The following SLC19A1 variants were observed in gnomAD, a reference collection of about 807,000 sequenced individuals.
SLC19A1 encodes the protein reduced folate transporter.
A neutral mutation model predicts 35.3 loss-of-function variants in SLC19A1; 37 were observed. The observed-to-expected ratio is 1.05, with a 90% CI of 0.81 to 1.38. The LOEUF is 1.38. SLC19A1 is among the 40% of genes most tolerant of loss of function. SLC19A1 has a pLI of 0.00. For synonymous variants in SLC19A1, 460 were observed against 398.5 expected, an observed-to-expected ratio of 1.15 and a Z score of -1.84; for missense variants, 831 against 826.9, an observed-to-expected ratio of 1.00 and a Z score of -0.06.
upstream of SLC19A1, chr21:45,543,789 C>G (rs1416052466): frequency 1.3e-5 from 2 of 152,402 alleles, no homozygotes; most frequent in African/African-American, 4.8e-5. Context: ...GGAGGGACCC[C>G]CTGCTTTGTG....
chr21:45,551,759 G>A (rs766251158), intron 1 of SLC19A1, among the ~76,000 whole-genome samples: 7 of 152,110 alleles, frequency 4.6e-5, no homozygotes, highest in Non-Finnish European at 1.0e-4. Flanking sequence ...TATGCACATC[G>A]TGTTTTATAT....
intron 1 of SLC19A1, among the ~76,000 whole-genome samples, chr21:45,550,202 C>T (rs1049891417): frequency 2.6e-5 from 4 of 152,140 alleles, no homozygotes; most frequent in African/African-American, 4.8e-5. Flanking sequence ...CCCCATGCAC[C>T]GCCCTGGTCA....
Position 45,514,956 on chromosome 21 carries a change from A to G in SLC19A1, c.*702T>C, listed in dbSNP as rs1189114908. 6.8e-7 allele frequency: 1 copy of G among 1,469,322 alleles called. No individual in the cohort carries two copies. Among genetic ancestry groups the G allele is most frequent in the East Asian group, 2.7e-5 (1 of 37,140 alleles). 91.0% of individuals were successfully genotyped at this position (1,469,322 alleles called of 1,614,324 possible). Reference sequence around the variant, plus strand: ...CCCTCCGGGCTGGCACAAGTGTGGGAGCAGCTGAGGACCCGCAGGTCAGGA... The same window carrying G: ...CCCTCCGGGCTGGCACAAGTGTGGGGGCAGCTGAGGACCCGCAGGTCAGGA... On this transcript the variant is annotated 3_prime_UTR_variant, in exon 6 of 6. Transcript: ENST00000311124.
intron 5 of SLC19A1, among the ~76,000 whole-genome samples, chr21:45,518,546 C>G (rs2038079083): frequency 6.6e-6 from 1 of 152,098 alleles, no homozygotes; most frequent in Non-Finnish European, 1.5e-5. Flanking sequence ...CAAAATCACA[C>G]CAACACATAC....
chr21:45,552,072 C>G (rs2078471388), intron 1 of SLC19A1, among the ~76,000 whole-genome samples: 2 of 152,208 alleles, frequency 1.3e-5, no homozygotes, highest in South Asian at 2.1e-4. Context: ...CAAAAGGTGT[C>G]TGCCCGAGTG....
In SLC19A1 at chr21:45,515,259, T is replaced by A. The variant is rs1486061461; in HGVS notation, c.*399A>T. 6.4e-5 allele frequency: 96 copies of A among 1,493,968 alleles called. No individual in the cohort carries two copies. Among genetic ancestry groups the A allele is most frequent in the Non-Finnish European group, 8.4e-5 (95 of 1,135,334 alleles). 92.5% of individuals were successfully genotyped at this position (1,493,968 alleles called of 1,614,324 possible). ...CACCTGAGGGTCCCGGCTCCCACCC[T>A]GCCCTAGAGGGCTCACAACTCCTGT... On this transcript the variant is annotated 3_prime_UTR_variant, in exon 6 of 6. Transcript: ENST00000311124.
intron 4 of SLC19A1, among the ~76,000 whole-genome samples, 163 bp from the exon 5 acceptor site, chr21:45,526,121 T>A (rs2077608555): frequency 6.6e-6 from 1 of 151,988 alleles, no homozygotes; most frequent in African/African-American, 2.4e-5. Flanking sequence ...CTCCCACACA[T>A]GCCCGCCCCT....
At chr21:45,507,674 C>T (rs2037303744), downstream of SLC19A1, 1 of 1,359,702 alleles carries the variant, frequency 7.4e-7, no homozygotes, top group Non-Finnish European at 1.0e-6. Context: ...TGAGGAACAA[C>T]ACGTGGTCCT....
In SLC19A1 at chr21:45,531,289, G is replaced by C. The variant is rs1185136088; in HGVS notation, c.949+100C>G. On this transcript the variant is annotated intron_variant, in intron 3 of 5. Coordinates refer to ENST00000311124, the MANE Select transcript of SLC19A1 (RefSeq NM_194255.4). ...TGGGGGAAGGTATCCATGGGGCAGG[G>C]GGCGGGAGAGGGAGCCTCCGGGGGA... is the stretch of plus-strand genomic sequence containing the variant. 5.4e-6 allele frequency: 8 copies of C among 1,469,296 alleles called. No homozygotes were observed. The African/African-American group carries it at 7.1e-5, about 13-fold the overall frequency. 91.0% of individuals were successfully genotyped at this position (1,469,296 alleles called of 1,614,324 possible).
chr21:45,536,945 C>G (rs1277346326), intron 2 of SLC19A1, among the ~76,000 whole-genome samples: 1 of 152,170 alleles, frequency 6.6e-6, no homozygotes, highest in Non-Finnish European at 1.5e-5. Context: ...CGGATACGGC[C>G]GCTCCCGCCT....
chr21:45,519,543 T>C (rs1424496164), intron 5 of SLC19A1, among the ~76,000 whole-genome samples: 6 of 97,662 alleles, frequency 6.1e-5, no homozygotes, highest in African/African-American at 2.3e-4. Context: ...GTGGCTATAT[T>C]AACATCAGGT....
intron 1 of SLC19A1, among the ~76,000 whole-genome samples, chr21:45,555,743 G>A (rs939705496): frequency 6.6e-6 from 1 of 152,214 alleles, no homozygotes; most frequent in East Asian, 1.9e-4. Flanking sequence ...AACGGCGGGC[G>A]CTGGCAGAAA....
chr21:45,504,639 A>G (rs2037076556), intron 3 of SLC19A1: 1 of 1,272,748 alleles, frequency 7.9e-7, no homozygotes, highest in African/African-American at 1.5e-5. Flanking sequence ...CCGGCCTTCG[A>G]CACCCGCGAA....
chr21:45,506,158 T>C, intron 3 of SLC19A1: 1 of 792,004 alleles, frequency 1.3e-6, no homozygotes, highest in Non-Finnish European at 2.0e-6. Context: ...TAAAGAAAAG[T>C]GAGCTCAAGC....
At chr21:45,526,814 C>T (rs1400148822) in intron 4 of SLC19A1, among the ~76,000 whole-genome samples, 1 of 152,244 alleles carries the variant, frequency 6.6e-6, no homozygotes, top group Non-Finnish European at 1.5e-5. Flanking sequence ...TCAGGTGATC[C>T]ACCCACCTCA....
chr21:45,508,572 C>T (rs907858283), downstream of SLC19A1, among the ~76,000 whole-genome samples: 29 of 151,718 alleles, frequency 1.9e-4, no homozygotes, highest in Admixed American at 1.6e-3. Context: ...CTAAGTGTTG[C>T]GTCCAGCTGC....
At chr21:45,531,020 G>A in intron 3 of SLC19A1, 49 bp from the exon 4 acceptor site, 1 of 1,299,610 alleles carries the variant, frequency 7.7e-7, no homozygotes, top group South Asian at 1.7e-5. Context: ...GGGCCACGGG[G>A]CAGGGGGAGG....
intron 1 of SLC19A1, among the ~76,000 whole-genome samples, chr21:45,560,179 G>C (rs1450249708): frequency 3.3e-5 from 5 of 152,114 alleles, no homozygotes; most frequent in Non-Finnish European, 5.9e-5. Flanking sequence ...TGAGAGGTGG[G>C]GACGCCAGGG....
intron 1 of SLC19A1, among the ~76,000 whole-genome samples, chr21:45,539,865 C>G (rs1436645733): frequency 2.0e-5 from 3 of 152,160 alleles, no homozygotes; most frequent in Non-Finnish European, 4.4e-5. Context: ...TTAGGGGAAC[C>G]TCGAGGTTTC....
Sources: gnomAD v4.1 joint callset for allele counts (sites outside exome capture counted in the v4.1 genomes callset) on GRCh38, gnomAD v4.1.1 for gene constraint, MANE v1.5 for transcripts, NCBI Gene and HGNC (gene_info 2026-07-23, HGNC 2026-07-21) for gene names.